The following ADGRV1 variants were observed in gnomAD, a reference collection of about 807,000 sequenced individuals.
ADGRV1 encodes adhesion G protein-coupled receptor V1, also known as G-protein coupled receptor 98.
ADGRV1 carries 359 observed loss-of-function variants against 596.2 expected under a neutral mutation model. The observed-to-expected ratio is 0.60, with a 90% CI of 0.55 to 0.66. The LOEUF (loss-of-function observed/expected upper bound fraction) is 0.66, where lower values mean the gene tolerates loss of function less well. Ranked by LOEUF, ADGRV1 falls within the 30% of genes least tolerant of loss-of-function variation. The pLI is 0.00. For missense variants in ADGRV1, 7,274 were observed against 7,575.6 expected (o/e 0.96, Z 1.48); for synonymous variants, 2,681 against 2,679.2 (o/e 1.00, Z -0.02).
In ADGRV1 at chr5:90,690,009, C is replaced by T; in HGVS notation, c.6639C>T (p.Ala2213=). The part of the protein sequence containing the change: ...VQLMNETTGG[A]RLGALTEAVI... ...TGATGAATGAAACAACAGGAGGAGCCAGACTAGGGGCTTTAACAGAGGCAG... is the reference window on the plus strand; with the variant it reads ...TGATGAATGAAACAACAGGAGGAGCTAGACTAGGGGCTTTAACAGAGGCAG... The change falls in exon 30 of 90, where the codon GCC becomes GCT. Residue 2213 remains alanine, a synonymous_variant. Transcript: ENST00000405460. 1 of 1,603,614 alleles carries T rather than the reference C, an allele frequency of 6.2e-7. No individual in the cohort carries two copies.
intron 77 of ADGRV1, among the ~76,000 whole-genome samples, chr5:90,839,317 C>T (rs1236299414): frequency 4.6e-5 from 7 of 152,132 alleles, no homozygotes; most frequent in South Asian, 4.1e-4. Flanking sequence ...CGGATTCAAG[C>T]GATTCTCCTG....
intron 86 of ADGRV1, among the ~76,000 whole-genome samples, chr5:91,079,814 A>T (rs1789180276): frequency 6.6e-6 from 1 of 152,146 alleles, no homozygotes; most frequent in South Asian, 2.1e-4. Context: ...GTACTAAACT[A>T]TTATGTTTAA....
intron 67 of ADGRV1, among the ~76,000 whole-genome samples, chr5:90,784,633 T>G (rs1014565132): frequency 6.6e-6 from 1 of 152,112 alleles, no homozygotes; most frequent in African/African-American, 2.4e-5. Context: ...GTTTCAGGCA[T>G]GGAGGGGTTC....
rs1198131212 is a variant in ADGRV1, at chr5:90,821,524, GT to G, written c.16197-1895del. Among the ~76,000 whole-genome samples the G allele has an allele frequency of 2.6e-5, 4 of 151,048 alleles. No homozygotes were observed. In the East Asian group the frequency reaches 7.8e-4, roughly 29 times the overall value. ...TTAGAGTTTCCAGTTTTTCTGTTCT[GT>G]TTTTTCCCCATCTTTGTGGTTTTAT... On this transcript the variant is annotated intron_variant, in intron 75 of 89. Coordinates refer to ENST00000405460, the MANE Select transcript of ADGRV1 (RefSeq NM_032119.4).
rs769781727 is a variant in ADGRV1, at chr5:91,099,607, T to C, written c.18311-2612T>C. Reference sequence around the variant, plus strand: ...GAGTGGATCGAATCAGTAGATATATTAAGAATAATAAGCAATAGCGGGGTG... The same window carrying C: ...GAGTGGATCGAATCAGTAGATATATCAAGAATAATAAGCAATAGCGGGGTG... On this transcript the variant is annotated intron_variant, in intron 86 of 89. Transcript: ENST00000405460. 4.2e-4 allele frequency among the ~76,000 whole-genome samples: 64 copies of C among 152,060 alleles called. 2 individuals carry two copies. The highest frequency in any genetic ancestry group is 7.4e-5 in the Non-Finnish European group (5 of 68,002).
intron 75 of ADGRV1, among the ~76,000 whole-genome samples, chr5:90,816,000 A>G (rs555322782): frequency 5.3e-4 from 80 of 152,318 alleles, no homozygotes; most frequent in Non-Finnish European, 9.3e-4. Flanking sequence ...CATATTGCCT[A>G]TTATCTGCTC....
intron 1 of ADGRV1, among the ~76,000 whole-genome samples, chr5:90,559,160 C>T (rs1164275259): frequency 6.6e-6 from 1 of 152,152 alleles, no homozygotes; most frequent in Non-Finnish European, 1.5e-5. Flanking sequence ...GCACCCCCTA[C>T]CCGCCCTTTC....
chr5:90,578,089 T>C (rs1460423032), intron 1 of ADGRV1, among the ~76,000 whole-genome samples: 1 of 152,228 alleles, frequency 6.6e-6, no homozygotes, highest in Non-Finnish European at 1.5e-5. Context: ...CTTTTCCTGA[T>C]TGAATACCTT....
chr5:91,120,152 C>T (rs1264601287), intron 87 of ADGRV1, among the ~76,000 whole-genome samples: 1 of 152,124 alleles, frequency 6.6e-6, no homozygotes, highest in Non-Finnish European at 1.5e-5. Flanking sequence ...GAAGCAGACT[C>T]GCCTGGAGCA....
intron 1 of ADGRV1, among the ~76,000 whole-genome samples, chr5:90,605,000 A>G (rs1410255513): frequency 6.6e-6 from 1 of 152,214 alleles, no homozygotes; most frequent in Non-Finnish European, 1.5e-5. Flanking sequence ...TGGTGGGCAT[A>G]TGTAGTCCAA....
intron 85 of ADGRV1, among the ~76,000 whole-genome samples, chr5:90,996,807 G>T (rs537258339): frequency 6.6e-6 from 1 of 152,214 alleles, no homozygotes; most frequent in Non-Finnish European, 1.5e-5. Flanking sequence ...CACGCCTAGT[G>T]TCAGTGTGGC....
At chr5:90,680,129 C>T (rs1455651143) in intron 26 of ADGRV1, among the ~76,000 whole-genome samples, 2 of 152,112 alleles carry the variant, frequency 1.3e-5, no homozygotes, top group Non-Finnish European at 2.9e-5. Context: ...GCGGGCTGAT[C>T]ACCTGAGCTC....
At chr5:90,973,055 C>G (rs1466041664) in intron 84 of ADGRV1, among the ~76,000 whole-genome samples, 1 of 152,162 alleles carries the variant, frequency 6.6e-6, no homozygotes, top group Non-Finnish European at 1.5e-5. Context: ...AGACTACCAT[C>G]AGAGAATACT....
intron 85 of ADGRV1, among the ~76,000 whole-genome samples, chr5:90,995,458 G>A (rs961732254): frequency 6.6e-6 from 1 of 152,134 alleles, no homozygotes; most frequent in Admixed American, 6.5e-5. Context: ...CCCCAGCCAT[G>A]CCTTCTGTAC....
At chr5:90,928,900 G>A (rs1412441412) in intron 83 of ADGRV1, among the ~76,000 whole-genome samples, 1 of 144,802 alleles carries the variant, frequency 6.9e-6, no homozygotes, top group Non-Finnish European at 1.5e-5. Context: ...CGTGTGAGGT[G>A]TCAGTGTGCC....
At chr5:90,749,407 A>G (rs1399116646) in intron 52 of ADGRV1, among the ~76,000 whole-genome samples, 1 of 152,220 alleles carries the variant, frequency 6.6e-6, no homozygotes, top group East Asian at 1.9e-4. Context: ...TCTTTTGTGA[A>G]TAAATTATGT....
At chr5:91,094,556 T>C (rs16869437) in intron 86 of ADGRV1, among the ~76,000 whole-genome samples, 3,670 of 152,018 alleles carry the variant, frequency 0.024, 131 homozygotes, top group African/African-American at 0.081. Flanking sequence ...TCAAAATAGG[T>C]TCACTAAAAG....
At chr5:90,839,512 C>A (rs972752365) in intron 77 of ADGRV1, among the ~76,000 whole-genome samples, 1 of 152,168 alleles carries the variant, frequency 6.6e-6, no homozygotes, top group African/African-American at 2.4e-5. Flanking sequence ...CCACACCCAG[C>A]CTCCACCTCT....
rs373788903 is a variant in ADGRV1, at chr5:90,694,483, C to G, written c.7727C>G (p.Ala2576Gly). 29 of 1,613,772 alleles carry G rather than the reference C, an allele frequency of 1.8e-5. No homozygotes were observed. The highest frequency in any genetic ancestry group is 3.3e-5 in the Admixed American group (2 of 59,986). Residue 2576 changes from alanine to glycine, a missense_variant, in exon 33 of 90, where the codon GCC becomes GGC. By Grantham distance (60) the Ala-to-Gly change is moderately conservative (BLOSUM62 0). Coordinates refer to ENST00000405460, the MANE Select transcript of ADGRV1 (RefSeq NM_032119.4). ...STVVIALNGD[A>G]FGVFVIYNIS... ...GTTGTCATAGCACTAAATGGTGATG[C>G]CTTTGGAGTGTTTGTGATCTACAAT...
Sources: gnomAD v4.1 joint callset for allele counts (sites outside exome capture counted in the v4.1 genomes callset) on GRCh38, gnomAD v4.1.1 for gene constraint, MANE v1.5 for transcripts, NCBI Gene and HGNC (gene_info 2026-07-23, HGNC 2026-07-21) for gene names.